The following XYLT1 variants were observed in gnomAD, a reference collection of about 807,000 sequenced individuals.
XYLT1 encodes xylosyltransferase 1, also known as beta-D-xylosyltransferase 1.
XYLT1 carries 36 observed loss-of-function variants against 91.3 expected under a neutral mutation model. The ratio of observed to expected loss-of-function variants is 0.39; its 90% CI spans 0.30 to 0.52. XYLT1 has a LOEUF of 0.52. Ranked by LOEUF, XYLT1 falls within the 20% of genes least tolerant of loss-of-function variation. XYLT1 has a pLI of 0.68. For synonymous variants in XYLT1, 588 were observed against 532.0 expected (o/e 1.11, Z -1.45); for missense variants, 1,242 against 1,284.5 (o/e 0.97, Z 0.51).
chr16:17,125,122 G>C (rs1567282999), intron 10 of XYLT1, among the ~76,000 whole-genome samples: 1 of 152,090 alleles, frequency 6.6e-6, no homozygotes, highest in Non-Finnish European at 1.5e-5. Context: ...ATCCATTGCT[G>C]GTGAGCTAGT....
At chr16:17,255,963 G>A (rs1242363626) in intron 3 of XYLT1, among the ~76,000 whole-genome samples, 4 of 152,074 alleles carry the variant, frequency 2.6e-5, no homozygotes, top group Non-Finnish European at 5.9e-5. Flanking sequence ...ATCTAAGATG[G>A]CACCACTGCA....
intron 2 of XYLT1, among the ~76,000 whole-genome samples, chr16:17,267,296 T>C (rs2033821107): frequency 6.6e-6 from 1 of 152,210 alleles, no homozygotes; most frequent in Admixed American, 6.5e-5. Flanking sequence ...GCACATATAA[T>C]TCTATTTAAC....
chr16:17,242,950 C>T (rs941825923), intron 3 of XYLT1, among the ~76,000 whole-genome samples: 2 of 152,212 alleles, frequency 1.3e-5, no homozygotes, highest in African/African-American at 4.8e-5. Context: ...AGGGTCTTCT[C>T]CCTTTTTAAG....
At chr16:17,330,522 C>T (rs895313139) in intron 2 of XYLT1, among the ~76,000 whole-genome samples, 2 of 152,040 alleles carry the variant, frequency 1.3e-5, no homozygotes, top group African/African-American at 2.4e-5. Context: ...CATGGTGGCT[C>T]ACACCTGTAA....
chr16:17,229,360 C>T (rs1336501304), intron 3 of XYLT1, among the ~76,000 whole-genome samples: 3 of 152,238 alleles, frequency 2.0e-5, no homozygotes, highest in South Asian at 2.1e-4. Context: ...TTATGTGGAC[C>T]GGATGAATGT....
chr16:17,124,204 T>C (rs1474791997), intron 10 of XYLT1, among the ~76,000 whole-genome samples: 3 of 152,246 alleles, frequency 2.0e-5, no homozygotes, highest in Admixed American at 6.5e-5. Context: ...TGTTTCATTG[T>C]GTTGTTTTGC....
chr16:17,129,452 G>A (rs997264637), intron 9 of XYLT1, among the ~76,000 whole-genome samples: 2 of 152,192 alleles, frequency 1.3e-5, no homozygotes, highest in South Asian at 4.1e-4. Context: ...AGTAGAGACG[G>A]GGTTTCACCA....
intron 1 of XYLT1, among the ~76,000 whole-genome samples, chr16:17,409,407 C>A (rs956284619): frequency 2.6e-5 from 4 of 152,140 alleles, no homozygotes; most frequent in African/African-American, 9.7e-5. Context: ...CATATTTCAG[C>A]AATGATGTGC....
At chr16:17,269,872 C>T (rs1020235307) in intron 2 of XYLT1, among the ~76,000 whole-genome samples, 7 of 151,096 alleles carry the variant, frequency 4.6e-5, no homozygotes, top group Admixed American at 3.3e-4. Context: ...AGTGCAATGG[C>T]ATGATCTCTG....
At chr16:17,434,911 A>C (rs1470152498) in intron 1 of XYLT1, among the ~76,000 whole-genome samples, 5 of 152,202 alleles carry the variant, frequency 3.3e-5, no homozygotes, top group African/African-American at 1.2e-4. Context: ...GGAATTAGCA[A>C]TCCCAACAAC....
chr16:17,287,766 A>C (rs544277337), intron 2 of XYLT1, among the ~76,000 whole-genome samples: 15 of 152,162 alleles, frequency 9.9e-5, no homozygotes, highest in Non-Finnish European at 1.8e-4. Context: ...AGGCAAAAGA[A>C]AGACAGACAG....
intron 2 of XYLT1, among the ~76,000 whole-genome samples, chr16:17,352,740 T>G (rs2035239495): frequency 6.6e-6 from 1 of 152,200 alleles, no homozygotes; most frequent in Non-Finnish European, 1.5e-5. Flanking sequence ...TTTGTCTTAT[T>G]TCCATCCACT....
At chr16:17,147,177 G>C (rs2031155851) in intron 6 of XYLT1, among the ~76,000 whole-genome samples, 1 of 152,210 alleles carries the variant, frequency 6.6e-6, no homozygotes, top group Non-Finnish European at 1.5e-5. Context: ...ATGTAACTGA[G>C]CTCTAACTGG....
At chr16:17,453,126 T>C (rs549089050) in intron 1 of XYLT1, among the ~76,000 whole-genome samples, 16 of 152,330 alleles carry the variant, frequency 1.1e-4, no homozygotes, top group African/African-American at 1.4e-4. Flanking sequence ...CTGAGTCACA[T>C]AGAAAGGATT....
chr16:17,308,503 A>G (rs2034499352), intron 2 of XYLT1, among the ~76,000 whole-genome samples: 2 of 152,200 alleles, frequency 1.3e-5, no homozygotes, highest in African/African-American at 4.8e-5. Flanking sequence ...ATACAGCTCT[A>G]TCTACAAAGA....
intron 2 of XYLT1, chr16:17,338,192 T>C: frequency 2.2e-6 from 1 of 456,502 alleles, no homozygotes; most frequent in Non-Finnish European, 4.4e-6. Context: ...ATTCCTTGCC[T>C]CTAGGCTCAC....
At chr16:17,155,235 A>C (rs2031376203) in intron 6 of XYLT1, among the ~76,000 whole-genome samples, 1 of 152,198 alleles carries the variant, frequency 6.6e-6, no homozygotes, top group Admixed American at 6.5e-5. Context: ...AAGTAACTTC[A>C]TCTTTTTGAG....
intron 2 of XYLT1, among the ~76,000 whole-genome samples, chr16:17,264,517 T>A (rs1042563498): frequency 1.3e-5 from 2 of 152,224 alleles, no homozygotes; most frequent in Non-Finnish European, 2.9e-5. Flanking sequence ...TAACTCTTCA[T>A]CTGACTGCCA....
chr16:17,187,789 T>C (rs1460082736), intron 5 of XYLT1, among the ~76,000 whole-genome samples: 2 of 151,806 alleles, frequency 1.3e-5, no homozygotes, highest in Non-Finnish European at 2.9e-5. Context: ...ATTTTATCAC[T>C]TTAAAAAAAA....
Sources: allele counts gnomAD v4.1 joint callset (sites outside exome capture counted in the v4.1 genomes callset), GRCh38; gene constraint gnomAD v4.1.1; transcripts MANE v1.5; gene names NCBI Gene and HGNC (gene_info 2026-07-23, HGNC 2026-07-21).